The following ZMYND8 variants were observed in gnomAD, a reference collection of about 807,000 sequenced individuals.
ZMYND8 encodes the protein zinc finger MYND-type containing 8.
In ZMYND8, 37 loss-of-function variants were observed where a neutral mutation model predicts 140.8. The ratio of observed to expected loss-of-function variants is 0.26; its 90% confidence interval spans 0.20 to 0.35. The LOEUF (loss-of-function observed/expected upper bound fraction) is 0.35. Ranked by LOEUF, ZMYND8 falls within the 10% of genes least tolerant of loss-of-function variation. ZMYND8 has a pLI of 1.00. For synonymous variants in ZMYND8, 592 were observed against 597.1 expected (o/e 0.99, Z 0.12); for missense variants, 1,068 against 1,570.0 (o/e 0.68, Z 5.40).
At chr20:47,344,690 TATG>T (rs530050308) in intron 2 of ZMYND8, among the ~76,000 whole-genome samples, 175 of 152,332 alleles carry the variant, frequency 1.1e-3, no homozygotes, top group African/African-American at 3.3e-3. Flanking sequence ...CACACTAGTG[TATG>T]ATGTTAATAA....
intron 16 of ZMYND8, among the ~76,000 whole-genome samples, chr20:47,233,191 G>C (rs946268021): frequency 5.5e-5 from 8 of 145,362 alleles, no homozygotes; most frequent in South Asian, 4.4e-4. Flanking sequence ...CCAGGTGTGA[G>C]ACACCGCACC....
chr20:47,222,693 CAA>C (rs903864581), intron 19 of ZMYND8, among the ~76,000 whole-genome samples: 35 of 152,234 alleles, frequency 2.3e-4, no homozygotes, highest in African/African-American at 8.0e-4. Context: ...AGGGAAAACA[CAA>C]AGAGACTTTA....
intron 3 of ZMYND8, among the ~76,000 whole-genome samples, chr20:47,306,943 G>A (rs1345461803): frequency 6.6e-6 from 1 of 152,138 alleles, no homozygotes; most frequent in Non-Finnish European, 1.5e-5. Flanking sequence ...TGGCAAACAA[G>A]CAAGCACAGG....
At chr20:47,306,151 G>A (rs2078462841) in intron 3 of ZMYND8, among the ~76,000 whole-genome samples, 1 of 152,164 alleles carries the variant, frequency 6.6e-6, no homozygotes, top group East Asian at 1.9e-4. Context: ...ACTTTGGGAG[G>A]TTGAAGCAGG....
At chr20:47,210,959 T>C in intron 22 of ZMYND8, 62 bp from the exon 23 acceptor site, 1 of 1,580,308 alleles carries the variant, frequency 6.3e-7, no homozygotes, top group East Asian at 2.3e-5. Flanking sequence ...ACAACTATCC[T>C]GCAATCTGAC....
chr20:47,334,843 C>G (rs2081269652), intron 2 of ZMYND8, among the ~76,000 whole-genome samples: 1 of 151,916 alleles, frequency 6.6e-6, no homozygotes, highest in Admixed American at 6.6e-5. Flanking sequence ...CTCCTGACCT[C>G]AGGTGATCCA....
intron 19 of ZMYND8, among the ~76,000 whole-genome samples, chr20:47,223,291 A>G (rs939343331): frequency 2.0e-5 from 3 of 152,132 alleles, no homozygotes; most frequent in African/African-American, 7.2e-5. Flanking sequence ...AGATCACTTG[A>G]GGTCAGGAGT....
chr20:47,318,703 G>T (rs1453810232), intron 2 of ZMYND8: 1 of 457,242 alleles, frequency 2.2e-6, no homozygotes, highest in Non-Finnish European at 4.4e-6. Context: ...ACTTGGGCCT[G>T]CCAGAGCTGC....
Position 47,262,377 on chromosome 20 carries a change from G to A in ZMYND8, c.1532C>T (p.Pro511Leu). ...TGACAGTTGAGGAGAGAAGGGCTTTGGGCTGCCGGATAAACTCCCTGCTTG... is the reference window on the plus strand; with the variant it reads ...TGACAGTTGAGGAGAGAAGGGCTTTAGGCTGCCGGATAAACTCCCTGCTTG... ...TGQAGSLSGS[P>L]KPFSPQLSAP... The change falls in exon 12 of 23, where the codon CCA (proline) becomes CTA (leucine). Residue 511 changes from proline (P) to leucine (L), a missense_variant. Pro to Leu is a moderately conservative substitution (Grantham distance 98). Transcript: ENST00000471951. The A allele has an allele frequency of 6.2e-7, 1 of 1,614,050 alleles. No homozygotes were observed. The highest frequency in any genetic ancestry group is 1.1e-5 in the South Asian group (1 of 91,072).
chr20:47,316,829 C>A (rs1448358106), intron 2 of ZMYND8, among the ~76,000 whole-genome samples: 1 of 151,720 alleles, frequency 6.6e-6, no homozygotes, highest in African/African-American at 2.4e-5. Context: ...CTAAGAGTTT[C>A]TTTTATTATA....
At chr20:47,283,436 T>C in intron 9 of ZMYND8, 135 bp downstream of exon 9, 1 of 885,670 alleles carries the variant, frequency 1.1e-6, no homozygotes, top group East Asian at 2.7e-5. Flanking sequence ...TCTGCCATAA[T>C]TTTATCAGCA....
chr20:47,293,334 A>G (rs2077425121), intron 5 of ZMYND8, among the ~76,000 whole-genome samples: 1 of 152,166 alleles, frequency 6.6e-6, no homozygotes, highest in African/African-American at 2.4e-5. Flanking sequence ...TTCAAAAACA[A>G]GTTATTTTTC....
chr20:47,276,897 A>T, intron 10 of ZMYND8, 102 bp from the exon 11 acceptor site: 56 of 878,756 alleles, frequency 6.4e-5, no homozygotes, highest in Non-Finnish European at 8.3e-5. Context: ...GTTTGCCAAG[A>T]TTCTTATTCT....
rs1036524067 is a variant in ZMYND8, at chr20:47,340,430, G to A, written c.85+7426C>T. 1.8e-4 allele frequency among the ~76,000 whole-genome samples: 27 copies of A among 151,746 alleles called. 1 individual carries two copies. Among genetic ancestry groups the A allele is most frequent in the Non-Finnish European group, 2.2e-4 (15 of 67,956 alleles). On this transcript the variant is annotated intron_variant, in intron 2 of 22. Transcript: ENST00000471951. ...GGAGTTAGAGGCTATAGTGTACTAT[G>A]ATGGCAACTGTGAATAACCACTGCA... is the stretch of plus-strand genomic sequence containing the variant.
In ZMYND8 at chr20:47,298,068, C is replaced by G. The variant is rs1034106211; in HGVS notation, c.453+661G>C. ...GACCACCACATTCAAAATGAAAACACCTTGCACTCCCTTGGACCTCCTATT... is the reference window on the plus strand; with the variant it reads ...GACCACCACATTCAAAATGAAAACAGCTTGCACTCCCTTGGACCTCCTATT... On this transcript the variant is annotated intron_variant, in intron 4 of 22. Transcript: ENST00000471951. This position sits in a 1 kb window ranked among gnomAD's most constrained non-coding sequence, Gnocchi z 5.0. Among the ~76,000 whole-genome samples the G allele has an allele frequency of 6.6e-6, 1 of 152,206 alleles. No individual in the cohort carries two copies. Among genetic ancestry groups the G allele is most frequent in the East Asian group, 1.9e-4 (1 of 5,206 alleles).
intron 12 of ZMYND8, among the ~76,000 whole-genome samples, chr20:47,256,845 G>A (rs922468563): frequency 7.2e-5 from 11 of 152,136 alleles, no homozygotes; most frequent in African/African-American, 1.9e-4. Flanking sequence ...AGAAAGTCTC[G>A]GGGTGTGACG....
rs534261919 is a variant in ZMYND8 at position 47,328,846 on chromosome 20, A to G, written c.86-18642T>C. Among the ~76,000 whole-genome samples the G allele has an allele frequency of 4.5e-3, 688 of 152,324 alleles. 5 individuals carry two copies. The highest frequency in any genetic ancestry group is 0.016 in the African/African-American group (660 of 41,558). The stretch of plus-strand genomic sequence containing the variant: ...TGAAATGCCAGTCCCTTGTTAGTCT[A>G]AAGAGGTGAGAGTTATTTGGTCTAT... On this transcript the variant is annotated intron_variant, in intron 2 of 22. Coordinates refer to ENST00000471951, the MANE Select transcript of ZMYND8 (RefSeq NM_001281775.3).
chr20:47,222,985 A>G (rs2037202365), intron 19 of ZMYND8, among the ~76,000 whole-genome samples: 2 of 152,244 alleles, frequency 1.3e-5, no homozygotes, highest in African/African-American at 4.8e-5. Context: ...TGGTGTACAA[A>G]GCCTAAAATA....
Position 47,298,570 on chromosome 20 carries a change from G to C in ZMYND8, c.453+159C>G. The C allele has an allele frequency of 2.8e-6, 4 of 1,452,004 alleles. No homozygotes were observed. The highest frequency in any genetic ancestry group is 2.7e-5 in the Admixed American group (1 of 37,678). 89.9% of individuals were successfully genotyped at this position (1,452,004 alleles called of 1,614,324 possible). A position where few individuals can be genotyped will look rare whatever the true frequency, so the allele number is the denominator to read the frequency against. On this transcript the variant is annotated intron_variant, in intron 4 of 22. Transcript: ENST00000471951. This position sits in a 1 kb window ranked among gnomAD's most constrained non-coding sequence, Gnocchi z 5.0. ...GAGCTGCAGTACTGCAGCCACTGCC[G>C]GTGTTGGTCAAGAAGGGGGTGACCA...
Sources: gnomAD v4.1 joint callset for allele counts (sites outside exome capture counted in the v4.1 genomes callset) on GRCh38, gnomAD v4.1.1 for gene constraint, Gnocchi (gnomAD v3.1) non-coding constraint, MANE v1.5 for transcripts, NCBI Gene and HGNC (gene_info 2026-07-23, HGNC 2026-07-21) for gene names.